SLC4A4: variants seen among roughly 807,000 people sequenced by gnomAD.
The protein encoded by SLC4A4 is solute carrier family 4 member 4.
A neutral mutation model predicts 111.5 loss-of-function variants in SLC4A4; 27 were observed. That is an observed-to-expected ratio of 0.24 (90% CI 0.18 to 0.33). The LOEUF is 0.33. SLC4A4 is among the 10% of genes least tolerant of loss of function. The pLI, the probability that SLC4A4 is intolerant of heterozygous loss-of-function variation, is 1.00. For synonymous variants in SLC4A4, 443 were observed against 463.4 expected (o/e 0.96, Z 0.57); for missense variants, 909 against 1,315.5 (o/e 0.69, Z 4.78).
chr4:71,088,071 T>C (rs576243353), intron 1 of SLC4A4, among the ~76,000 whole-genome samples: 32 of 152,090 alleles, frequency 2.1e-4, no homozygotes, highest in African/African-American at 7.7e-4. Context: ...AGGACTTGCT[T>C]TATGAATCTG....
At chr4:71,490,289 T>C (rs1452061845) in intron 15 of SLC4A4, among the ~76,000 whole-genome samples, 2 of 151,820 alleles carry the variant, frequency 1.3e-5, no homozygotes, top group Non-Finnish European at 2.9e-5. Flanking sequence ...TCTGAAGAAG[T>C]GATTGAAAGG....
intron 2 of SLC4A4, among the ~76,000 whole-genome samples, chr4:71,254,622 A>G (rs1721305390): frequency 6.6e-6 from 1 of 151,970 alleles, no homozygotes; most frequent in Admixed American, 6.6e-5. Context: ...AGTTTGTCCC[A>G]GTTCTAAGTC....
chr4:71,282,679 C>T (rs1703109148), intron 3 of SLC4A4, among the ~76,000 whole-genome samples: 1 of 151,260 alleles, frequency 6.6e-6, no homozygotes, highest in Non-Finnish European at 1.5e-5. Flanking sequence ...ACCTCCTGTG[C>T]TGAAGAGATC....
intron 4 of SLC4A4, among the ~76,000 whole-genome samples, chr4:71,347,150 T>G (rs1326914526): frequency 6.6e-6 from 1 of 152,148 alleles, no homozygotes; most frequent in Non-Finnish European, 1.5e-5. Flanking sequence ...CAAATGCACT[T>G]TTTAAATGTA....
chr4:71,256,812 TC>T (rs1431294736), intron 3 of SLC4A4, among the ~76,000 whole-genome samples: 1 of 152,228 alleles, frequency 6.6e-6, no homozygotes, highest in Non-Finnish European at 1.5e-5. Flanking sequence ...TCTGTATCCA[TC>T]TGTCAAGGCC....
chr4:71,331,174 G>T (rs1442928349), intron 3 of SLC4A4, among the ~76,000 whole-genome samples: 1 of 152,272 alleles, frequency 6.6e-6, no homozygotes, highest in East Asian at 1.9e-4. Context: ...ACAGTGTGGG[G>T]ATTCCTCAGG....
intron 12 of SLC4A4, among the ~76,000 whole-genome samples, chr4:71,460,172 A>G (rs1349658240): frequency 6.6e-6 from 1 of 152,032 alleles, no homozygotes; most frequent in Admixed American, 6.6e-5. Context: ...TGTAGCCAAA[A>G]TCGTCAATTT....
intron 6 of SLC4A4, among the ~76,000 whole-genome samples, chr4:71,364,060 A>G (rs747987219): frequency 1.2e-4 from 19 of 152,224 alleles, no homozygotes; most frequent in Non-Finnish European, 2.4e-4. Flanking sequence ...TCCAAGGGTC[A>G]ATCTCTCTCA....
intron 1 of SLC4A4, among the ~76,000 whole-genome samples, chr4:71,227,724 G>A (rs536099215): frequency 6.6e-6 from 1 of 152,264 alleles, no homozygotes; most frequent in Admixed American, 6.5e-5. Flanking sequence ...CATCCTCTGT[G>A]CTGGTGTGTC....
intron 2 of SLC4A4, among the ~76,000 whole-genome samples, chr4:71,100,764 T>C (rs1203978357): frequency 6.6e-6 from 1 of 152,096 alleles, no homozygotes; most frequent in African/African-American, 2.4e-5. Context: ...GGATACAAAA[T>C]CAATGTACAA....
intron 3 of SLC4A4, among the ~76,000 whole-genome samples, chr4:71,275,061 T>C (rs534909839): frequency 7.9e-5 from 12 of 152,280 alleles, no homozygotes; most frequent in African/African-American, 2.6e-4. Flanking sequence ...CCTCAGCTCA[T>C]TCATAGGCCT....
chr4:71,527,575 G>A (rs1733526513), intron 16 of SLC4A4, among the ~76,000 whole-genome samples: 2 of 152,034 alleles, frequency 1.3e-5, no homozygotes, highest in African/African-American at 4.8e-5. Flanking sequence ...GCCTGGTAGT[G>A]ATTTTAGTCA....
intron 7 of SLC4A4, among the ~76,000 whole-genome samples, chr4:71,432,655 G>C (rs1454189958): frequency 6.6e-6 from 1 of 150,912 alleles, no homozygotes; most frequent in Non-Finnish European, 1.5e-5. Context: ...TTCCTTTCTT[G>C]GTTTCCACTA....
At chr4:71,308,413 A>G (rs1725861434) in intron 3 of SLC4A4, among the ~76,000 whole-genome samples, 1 of 152,172 alleles carries the variant, frequency 6.6e-6, no homozygotes, top group Non-Finnish European at 1.5e-5. Context: ...ATAGTCATTA[A>G]GAGTTTATGG....
At chr4:71,559,802 G>A (rs964813335) in intron 22 of SLC4A4, among the ~76,000 whole-genome samples, 1 of 151,736 alleles carries the variant, frequency 6.6e-6, no homozygotes, top group African/African-American at 2.4e-5. Context: ...GGAAGGCAAT[G>A]GTTTTGAAAA....
chr4:71,091,876 C>A (rs148819598), intron 1 of SLC4A4, among the ~76,000 whole-genome samples: 3 of 152,098 alleles, frequency 2.0e-5, no homozygotes, highest in Non-Finnish European at 4.4e-5. Flanking sequence ...TTAAAAACTG[C>A]GTTTGTTCTT....
chr4:71,383,161 A>G (rs927185552), intron 6 of SLC4A4, among the ~76,000 whole-genome samples: 1 of 152,136 alleles, frequency 6.6e-6, no homozygotes, highest in African/African-American at 2.4e-5. Flanking sequence ...GAAAGTATAT[A>G]TTGCCTTCAA....
intron 3 of SLC4A4, among the ~76,000 whole-genome samples, chr4:71,323,992 T>A (rs1281532637): frequency 6.6e-6 from 1 of 151,968 alleles, no homozygotes; most frequent in Non-Finnish European, 1.5e-5. Context: ...CCCTTCCAGG[T>A]GTTTTTTTGC....
At chr4:71,496,411 T>C (rs1036589507) in intron 15 of SLC4A4, among the ~76,000 whole-genome samples, 29 of 152,082 alleles carry the variant, frequency 1.9e-4, no homozygotes, top group Non-Finnish European at 4.4e-5. Context: ...TGGTTTCAGC[T>C]GAGTTTTGCT....
Sources: gnomAD v4.1 joint callset for allele counts (sites outside exome capture counted in the v4.1 genomes callset) on GRCh38, gnomAD v4.1.1 for gene constraint, MANE v1.5 for transcripts, NCBI Gene and HGNC (gene_info 2026-07-23, HGNC 2026-07-21) for gene names.